PLAC8L1: variants seen among roughly 807,000 people sequenced by gnomAD.
The protein encoded by PLAC8L1 is PLAC8-like protein 1.
A neutral mutation model predicts 16.3 loss-of-function variants in PLAC8L1; 13 were observed. That is an observed-to-expected ratio of 0.80 (90% CI 0.52 to 1.27). The LOEUF is 1.27. PLAC8L1 is among the 50% of genes most tolerant of loss of function. The pLI is 0.00. For missense variants in PLAC8L1, 184 were observed against 220.2 expected (o/e 0.84, Z 1.04); for synonymous variants, 78 against 79.3 (o/e 0.98, Z 0.09).
chr5:146,090,403 C>T (rs1007799658), intron 2 of PLAC8L1, among the ~76,000 whole-genome samples: 8 of 151,192 alleles, frequency 5.3e-5, no homozygotes, highest in Non-Finnish European at 1.2e-4. Flanking sequence ...GTGGTAGTGG[C>T]GTGTGCCTGT....
At chr5:146,102,528 CAAGT>C (rs1027205957) in intron 1 of PLAC8L1, among the ~76,000 whole-genome samples, 10 of 152,152 alleles carry the variant, frequency 6.6e-5, no homozygotes, top group Non-Finnish European at 1.3e-4. Context: ...GTATCAGACT[CAAGT>C]AGCTCCTGTA....
chr5:146,102,322 T>C lies in PLAC8L1; in HGVS notation c.119+1871A>G, dbSNP rs1448879474. 3.9e-5 allele frequency among the ~76,000 whole-genome samples: 6 copies of C among 152,340 alleles called. No homozygotes were observed. The South Asian group carries it at 8.3e-4, about 21-fold the overall frequency. On this transcript the variant is annotated intron_variant, in intron 1 of 3. Coordinates refer to ENST00000311450, the MANE Select transcript of PLAC8L1 (RefSeq NM_001029869.3). The stretch of plus-strand genomic sequence containing the variant: ...ATAGATTTGTTATTTATTTCCTTAA[T>C]ACCCTGAGTCTTCAGTTATTTTTAT...
At chr5:146,087,971 G>C (rs1763551522) in intron 2 of PLAC8L1, among the ~76,000 whole-genome samples, 1 of 152,100 alleles carries the variant, frequency 6.6e-6, no homozygotes, top group South Asian at 2.1e-4. Flanking sequence ...CAGTACCAAG[G>C]GGGGATGGAT....
At position 146,104,250 on chromosome 5, in the gene PLAC8L1, T is replaced by C; in HGVS notation, c.62A>G (p.Tyr21Cys). The stretch of plus-strand genomic sequence containing the variant: ...TGACATGTGTGACAACAGAGGTGAG[T>C]ATATGTTGAGTAAGGAAAGATCCTC... The part of the protein sequence containing the change: ...CPEDLSLLNI[Y>C]SPLLSHMSSE... The change falls in exon 1 of 4, where the codon TAC (tyrosine) becomes TGC (cysteine). Residue 21 changes from tyrosine (Y) to cysteine (C), a missense_variant. By Grantham distance (194) the Tyr-to-Cys change is radical. Transcript: ENST00000311450. 1.9e-6 allele frequency: 3 copies of C among 1,613,864 alleles called. No individual in the cohort carries two copies. Among genetic ancestry groups the C allele is most frequent in the Non-Finnish European group, 2.5e-6 (3 of 1,179,828 alleles).
At chr5:146,094,991 C>A (rs1580977208) in intron 2 of PLAC8L1, among the ~76,000 whole-genome samples, 2 of 152,150 alleles carry the variant, frequency 1.3e-5, no homozygotes, top group Non-Finnish European at 2.9e-5. Flanking sequence ...CTAAATAAAA[C>A]TTTGTGGATA....
chr5:146,100,602 GA>G (rs1282842062), intron 1 of PLAC8L1, among the ~76,000 whole-genome samples: 1 of 152,004 alleles, frequency 6.6e-6, no homozygotes, highest in Non-Finnish European at 1.5e-5. Context: ...TGGTTGCTAA[GA>G]AGCAGCAACT....
At chr5:146,103,871 A>G in intron 1 of PLAC8L1, 1 of 985,422 alleles carries the variant, frequency 1.0e-6, no homozygotes. Context: ...ACTCAGCTGA[A>G]GCCAAAACCC....
In PLAC8L1 at chr5:146,085,532, G is replaced by C; in HGVS notation, c.322C>G (p.Leu108Val). The change falls in exon 3 of 4, where the codon CTT (leucine) becomes GTT (valine). Residue 108 changes from leucine (L) to valine (V), a missense_variant. By Grantham distance (32) the Leu-to-Val change is conservative. Transcript: ENST00000311450. ...CDIARHYGEC[L>V]CWPLLPGSTF... ...GACCCAGGTAACAACGGCCAACAAA[G>C]ACACTCTCCATAATGCCTGGCGATG... 6.2e-7 allele frequency: 1 copy of C among 1,614,090 alleles called. No individual in the cohort carries two copies. Among genetic ancestry groups the C allele is most frequent in the Non-Finnish European group, 8.5e-7 (1 of 1,180,014 alleles).
At chr5:146,089,998 A>G (rs376553309) in intron 2 of PLAC8L1, among the ~76,000 whole-genome samples, 1 of 151,962 alleles carries the variant, frequency 6.6e-6, no homozygotes, top group South Asian at 2.1e-4. Flanking sequence ...TTCAGCCTCC[A>G]GAAGTGCTGG....
chr5:146,092,535 A>ATTTTTTTT (rs35101919), intron 2 of PLAC8L1, among the ~76,000 whole-genome samples: 1 of 100,384 alleles, frequency 1.0e-5, no homozygotes, highest in African/African-American at 3.8e-5. Context: ...ATCTTTGCAG[A>ATTTTTTTT]TTTTTTTTTT....
At chr5:146,100,043 A>C (rs1763788252) in intron 1 of PLAC8L1, among the ~76,000 whole-genome samples, 1 of 152,188 alleles carries the variant, frequency 6.6e-6, no homozygotes, top group Non-Finnish European at 1.5e-5. Context: ...ATATTAAAAC[A>C]AGCCTTTCAG....
intron 1 of PLAC8L1, among the ~76,000 whole-genome samples, chr5:146,099,154 C>T (rs1185264283): frequency 1.3e-5 from 2 of 152,084 alleles, no homozygotes; most frequent in African/African-American, 4.8e-5. Context: ...GTAAGTTGCA[C>T]TTGGCCTCAT....
At chr5:146,087,333 T>A (rs1290961323) in intron 2 of PLAC8L1, among the ~76,000 whole-genome samples, 1 of 152,184 alleles carries the variant, frequency 6.6e-6, no homozygotes, top group Non-Finnish European at 1.5e-5. Context: ...TGAAGATTCA[T>A]CTGTAAGTGT....
intron 2 of PLAC8L1, among the ~76,000 whole-genome samples, chr5:146,095,860 CT>C (rs1346380407): frequency 1.3e-5 from 2 of 152,218 alleles, no homozygotes; most frequent in Non-Finnish European, 2.9e-5. Context: ...GGACTGTCAG[CT>C]AGCACCTAAT....
rs189533745 is a variant in PLAC8L1, at chr5:146,097,295, T to C, written c.256+861A>G. Among the ~76,000 whole-genome samples the C allele has an allele frequency of 3.5e-4, 54 of 152,332 alleles. No homozygotes were observed. The East Asian group carries it at 9.7e-3, about 27-fold the overall frequency. On this transcript the variant is annotated intron_variant, in intron 2 of 3. Coordinates refer to ENST00000311450, the MANE Select transcript of PLAC8L1 (RefSeq NM_001029869.3). Reference sequence around the variant, plus strand: ...CAGAAGACAGTGTTATTTGCCCCTCTTTATAGCTGAAAAGTGTCAAACCAG... The same window carrying C: ...CAGAAGACAGTGTTATTTGCCCCTCCTTATAGCTGAAAAGTGTCAAACCAG...
Position 146,091,869 on chromosome 5 carries a change from A to G in PLAC8L1, c.257-6272T>C, listed in dbSNP as rs11738013. ...TTTCTGTAATGTTTCATTTTTTGCA[A>G]GGTAAATGTATTGTTACTAGTGAAA... On this transcript the variant is annotated intron_variant, in intron 2 of 3. Transcript: ENST00000311450. 6.4e-3 allele frequency among the ~76,000 whole-genome samples: 969 copies of G among 152,232 alleles called. 3 individuals carry two copies. The highest frequency in any genetic ancestry group is 0.017 in the Middle Eastern group (5 of 294).
chr5:146,093,965 C>G (rs1388126838), intron 2 of PLAC8L1, among the ~76,000 whole-genome samples: 1 of 152,200 alleles, frequency 6.6e-6, no homozygotes, highest in Non-Finnish European at 1.5e-5. Context: ...GAGAGACTGT[C>G]CTTTACCCCA....
At chr5:146,086,068 C>T (rs1363568300) in intron 2 of PLAC8L1, among the ~76,000 whole-genome samples, 21 of 115,644 alleles carry the variant, frequency 1.8e-4, no homozygotes, top group Non-Finnish European at 3.2e-4. Flanking sequence ...CTCGCTCTGT[C>T]GCCCAGGCTG....
Position 146,085,568 on chromosome 5 carries a change from GAC to G in PLAC8L1, c.284_285del (p.Cys95SerfsTer2). On this transcript the variant is annotated frameshift_variant, in exon 3 of 4. Transcript: ENST00000311450. LOFTEE classifies it high-confidence loss of function. Reference sequence around the variant, plus strand: ...TAATGCCTGGCGATGTCACACTCAAGACACATAGGACAGAATAGACCACAGAA... The same window carrying G: ...TAATGCCTGGCGATGTCACACTCAAGACATAGGACAGAATAGACCACAGAA... ...ICFCGLFCPM[C>X]LECDIARHYG... 1 of 1,614,044 alleles carries G rather than the reference GAC, an allele frequency of 6.2e-7. No individual in the cohort carries two copies. Among genetic ancestry groups the G allele is most frequent in the East Asian group, 2.2e-5 (1 of 44,870 alleles).
Sources: allele counts gnomAD v4.1 joint callset (sites outside exome capture counted in the v4.1 genomes callset), GRCh38; gene constraint gnomAD v4.1.1; transcripts MANE v1.5; gene names NCBI Gene and HGNC (gene_info 2026-07-23, HGNC 2026-07-21).